Variants in ITGA9 observed in about 807,000 individuals in gnomAD.
The protein encoded by ITGA9 is integrin alpha-9.
Under a neutral mutation model 127.8 loss-of-function variants are expected in ITGA9, and 56 were observed. The observed-to-expected ratio is 0.44, with a 90% CI of 0.35 to 0.55. ITGA9 has a LOEUF of 0.55. Among genes scored for constraint, ITGA9 ranks in the 20% least tolerant of loss-of-function variants. The probability of loss-of-function intolerance (pLI) is 0.00; values close to 1 mark genes in which losing one functional copy is unlikely to be tolerated. For missense variants in ITGA9, 1,196 were observed against 1,347.1 expected (o/e 0.89, Z 1.76); for synonymous variants, 508 against 514.5 (o/e 0.99, Z 0.17).
chr3:37,594,762 A>T (rs182592364), intron 15 of ITGA9, among the ~76,000 whole-genome samples: 1 of 152,284 alleles, frequency 6.6e-6, no homozygotes, highest in East Asian at 1.9e-4. Context: ...TTCACTTAAT[A>T]AGTGCCATAT....
chr3:37,600,974 G>A (rs909030774), intron 15 of ITGA9, among the ~76,000 whole-genome samples: 2 of 152,218 alleles, frequency 1.3e-5, no homozygotes, highest in Admixed American at 6.5e-5. Flanking sequence ...TGCTAGTTTA[G>A]TAAATGGCAT....
At chr3:37,722,715 A>G (rs1701202725) in intron 18 of ITGA9, among the ~76,000 whole-genome samples, 1 of 152,200 alleles carries the variant, frequency 6.6e-6, no homozygotes, top group South Asian at 2.1e-4. Flanking sequence ...TTATTCATTC[A>G]TCAGTTGCTG....
intron 13 of ITGA9, among the ~76,000 whole-genome samples, chr3:37,531,406 A>C (rs923092291): frequency 6.6e-6 from 1 of 152,200 alleles, no homozygotes; most frequent in Non-Finnish European, 1.5e-5. Context: ...AGCTGTGGGA[A>C]GGAGATGTAC....
chr3:37,605,330 C>T (rs574276067), intron 15 of ITGA9, among the ~76,000 whole-genome samples: 7 of 152,218 alleles, frequency 4.6e-5, no homozygotes, highest in South Asian at 2.1e-4. Flanking sequence ...TTTCATTTGA[C>T]GAGCCATGGG....
intron 19 of ITGA9, 36 bp from the exon 20 acceptor site, chr3:37,736,868 C>G: frequency 7.3e-7 from 1 of 1,372,226 alleles, no homozygotes; most frequent in Non-Finnish European, 1.0e-6. Context: ...GTTTGGAATG[C>G]CTGCTGATGC....
intron 7 of ITGA9, among the ~76,000 whole-genome samples, chr3:37,507,844 ACTGGTTCT>A (rs1698861293): frequency 6.6e-6 from 1 of 152,098 alleles, no homozygotes; most frequent in Non-Finnish European, 1.5e-5. Flanking sequence ...GGTTATTTAC[ACTGGTTCT>A]CATGAGACAC....
At chr3:37,605,657 A>G (rs954579043) in intron 15 of ITGA9, among the ~76,000 whole-genome samples, 2 of 152,130 alleles carry the variant, frequency 1.3e-5, no homozygotes, top group Admixed American at 6.5e-5. Flanking sequence ...CTTGGGCCAT[A>G]TGCTTATCTG....
chr3:37,605,592 G>A (rs1575164504), intron 15 of ITGA9, among the ~76,000 whole-genome samples: 1 of 152,150 alleles, frequency 6.6e-6, no homozygotes, highest in African/African-American at 2.4e-5. Flanking sequence ...ATGAGGACAA[G>A]TATTTTCTCA....
At chr3:37,583,532 C>A (rs1699729618) in intron 15 of ITGA9, among the ~76,000 whole-genome samples, 1 of 152,170 alleles carries the variant, frequency 6.6e-6, no homozygotes, top group African/African-American at 2.4e-5. Flanking sequence ...GATCTCAGTT[C>A]CAGAAAATAG....
intron 11 of ITGA9, among the ~76,000 whole-genome samples, chr3:37,522,237 G>C (rs746794373): frequency 6.6e-6 from 1 of 152,092 alleles, no homozygotes; most frequent in Non-Finnish European, 1.5e-5. Context: ...TCCCCTGGGG[G>C]ACCATGCAGA....
intron 1 of ITGA9, among the ~76,000 whole-genome samples, chr3:37,454,062 A>G (rs1361499633): frequency 6.6e-6 from 1 of 152,176 alleles, no homozygotes; most frequent in Non-Finnish European, 1.5e-5. Context: ...TCCCCACACT[A>G]GGCACCAGGC....
intron 16 of ITGA9, among the ~76,000 whole-genome samples, chr3:37,637,888 G>A (rs898326199): frequency 6.6e-6 from 1 of 152,146 alleles, no homozygotes; most frequent in Non-Finnish European, 1.5e-5. Context: ...GGCCAGGCTG[G>A]TCTTGAACTC....
intron 18 of ITGA9, among the ~76,000 whole-genome samples, chr3:37,709,713 TGG>T (rs1249264570): frequency 6.6e-6 from 1 of 152,232 alleles, no homozygotes; most frequent in Non-Finnish European, 1.5e-5. Flanking sequence ...CCTCCTTGTA[TGG>T]GAACATCATC....
intron 23 of ITGA9, among the ~76,000 whole-genome samples, chr3:37,769,213 C>A (rs1331326483): frequency 1.3e-5 from 2 of 151,876 alleles, no homozygotes; most frequent in Non-Finnish European, 2.9e-5. Flanking sequence ...TGGCACACAC[C>A]CATCATCCCA....
chr3:37,637,180 G>A (rs997582516), intron 16 of ITGA9, among the ~76,000 whole-genome samples: 80 of 152,116 alleles, frequency 5.3e-4, no homozygotes, highest in African/African-American at 1.9e-3. Flanking sequence ...AAAGTCATTG[G>A]TAGCTTGATG....
At chr3:37,502,932 C>T (rs1278452434) in intron 5 of ITGA9, among the ~76,000 whole-genome samples, 5 of 152,208 alleles carry the variant, frequency 3.3e-5, no homozygotes, top group Non-Finnish European at 1.5e-5. Flanking sequence ...GAATAGGGGC[C>T]TGGCCTGTCG....
chr3:37,694,988 C>T (rs547932508), intron 18 of ITGA9, among the ~76,000 whole-genome samples: 16 of 152,212 alleles, frequency 1.1e-4, no homozygotes, highest in East Asian at 1.9e-4. Context: ...AGTGGAGAGA[C>T]GCAGGACAGG....
intron 15 of ITGA9, among the ~76,000 whole-genome samples, chr3:37,606,135 G>C (rs561379621): frequency 3.9e-4 from 59 of 152,288 alleles, no homozygotes; most frequent in African/African-American, 1.4e-3. Context: ...ATATGGCTTT[G>C]AACAAAGCAA....
intron 13 of ITGA9, among the ~76,000 whole-genome samples, chr3:37,527,564 T>G (rs1293045640): frequency 6.6e-6 from 1 of 152,202 alleles, no homozygotes; most frequent in Non-Finnish European, 1.5e-5. Flanking sequence ...CCCATGTGAC[T>G]GGATTTTCAC....
Sources: allele counts gnomAD v4.1 joint callset (sites outside exome capture counted in the v4.1 genomes callset), GRCh38; gene constraint gnomAD v4.1.1; transcripts MANE v1.5; gene names NCBI Gene and HGNC (gene_info 2026-07-23, HGNC 2026-07-21).